The following LRCH3 variants were observed in gnomAD, a reference collection of about 807,000 sequenced individuals.
The protein encoded by LRCH3 is DISP complex protein LRCH3.
Under a neutral mutation model 104.5 loss-of-function variants are expected in LRCH3, and 68 were observed. The observed-to-expected ratio is 0.65, with a 90% CI of 0.54 to 0.80. LRCH3 has a LOEUF of 0.80. Among genes scored for constraint, LRCH3 ranks in the 30% least tolerant of loss-of-function variants. The probability of loss-of-function intolerance (pLI) is 0.00; values close to 1 mark genes in which losing one functional copy is unlikely to be tolerated. For missense variants in LRCH3, 951 were observed against 953.9 expected (o/e 1.00, Z 0.04); for synonymous variants, 344 against 361.3 (o/e 0.95, Z 0.54).
In LRCH3 at chr3:197,810,970, T is replaced by C. The variant is rs954852760; in HGVS notation, c.263-3938T>C. 2.0e-5 allele frequency among the ~76,000 whole-genome samples: 3 copies of C among 152,210 alleles called. No homozygotes were observed. Among genetic ancestry groups the C allele is most frequent in the Non-Finnish European group, 2.9e-5 (2 of 68,044 alleles). On this transcript the variant is annotated intron_variant, in intron 1 of 20. Transcript: ENST00000425562. This position sits in a 1 kb window ranked among gnomAD's most constrained non-coding sequence, Gnocchi z 4.0. ...TTAATATTAATAGCTAAAATGATTT[T>C]TATTGCATTATCTCAGTAAAATTTT...
intron 1 of LRCH3, among the ~76,000 whole-genome samples, chr3:197,798,187 G>GGAGATT (rs1731476534): frequency 6.6e-6 from 1 of 152,072 alleles, no homozygotes; most frequent in Non-Finnish European, 1.5e-5. Flanking sequence ...CTTGAGTCTG[G>GGAGATT]GAGATTGAGG....
At chr3:197,876,837 C>T (rs1233587026) in intron 20 of LRCH3, among the ~76,000 whole-genome samples, 4 of 138,150 alleles carry the variant, frequency 2.9e-5, no homozygotes, top group Non-Finnish European at 6.3e-5. Context: ...CTCACCGCAC[C>T]CATGGCAGTG....
intron 20 of LRCH3, among the ~76,000 whole-genome samples, chr3:197,879,562 C>T (rs189761137): frequency 0.042 from 6,239 of 148,102 alleles, 611 homozygotes; most frequent in African/African-American, 0.15. Flanking sequence ...GGGAGAATGG[C>T]GGGAACCCGG....
At position 197,811,115 on chromosome 3, in the gene LRCH3, G is replaced by A. The variant is rs949710539; in HGVS notation, c.263-3793G>A. Among the ~76,000 whole-genome samples the A allele has an allele frequency of 3.9e-5, 6 of 152,210 alleles. No homozygotes were observed. The East Asian group carries it at 1.2e-3, about 29-fold the overall frequency. On this transcript the variant is annotated intron_variant, in intron 1 of 20. Transcript: ENST00000425562. ...GTAACCCACTCTCATGACTCATCACGGGGTCTTCAGTGACTGCGCTGCCGT... is the reference window on the plus strand; with the variant it reads ...GTAACCCACTCTCATGACTCATCACAGGGTCTTCAGTGACTGCGCTGCCGT...
chr3:197,825,548 C>G (rs541445444), intron 4 of LRCH3, among the ~76,000 whole-genome samples: 1 of 123,674 alleles, frequency 8.1e-6, no homozygotes, highest in Admixed American at 1.0e-4. Flanking sequence ...GGCTCAATCT[C>G]GGCTCACTGC....
At chr3:197,800,553 G>A (rs780799719) in intron 1 of LRCH3, among the ~76,000 whole-genome samples, 142 of 152,312 alleles carry the variant, frequency 9.3e-4, no homozygotes, top group Non-Finnish European at 1.5e-3. Flanking sequence ...ATACGATGCT[G>A]TGGGAGCTTG....
chr3:197,828,777 G>A (rs1466566933), intron 5 of LRCH3, among the ~76,000 whole-genome samples: 1 of 142,220 alleles, frequency 7.0e-6, no homozygotes, highest in Non-Finnish European at 1.5e-5. Flanking sequence ...GTGCGATCTC[G>A]GCTTACTGCA....
intron 14 of LRCH3, among the ~76,000 whole-genome samples, chr3:197,855,474 C>T (rs1329671331): frequency 6.6e-6 from 1 of 152,176 alleles, no homozygotes; most frequent in Admixed American, 6.5e-5. Flanking sequence ...GAAGGTTAAA[C>T]TTATCACCTT....
At chr3:197,844,802 G>A (rs1221462216) in intron 10 of LRCH3, among the ~76,000 whole-genome samples, 1 of 151,608 alleles carries the variant, frequency 6.6e-6, no homozygotes. Flanking sequence ...TATTTTTTTA[G>A]TAGAGACGGA....
chr3:197,862,298 G>A (rs1560590578), intron 15 of LRCH3, among the ~76,000 whole-genome samples: 1 of 152,124 alleles, frequency 6.6e-6, no homozygotes, highest in East Asian at 1.9e-4. Context: ...CGCCCGGCCT[G>A]TTGCTGTTTC....
intron 4 of LRCH3, among the ~76,000 whole-genome samples, chr3:197,825,058 G>A (rs966573310): frequency 1.3e-5 from 2 of 152,166 alleles, no homozygotes; most frequent in African/African-American, 4.8e-5. Flanking sequence ...TTGATTGTTT[G>A]ATTATAAATC....
At chr3:197,875,628 T>A in intron 19 of LRCH3, 70 bp from the exon 20 acceptor site, 1 of 1,195,046 alleles carries the variant, frequency 8.4e-7, no homozygotes, top group East Asian at 2.6e-5. Context: ...CACTCCAGCC[T>A]GGGTGGCAGT....
At chr3:197,875,161 C>T (rs968891533) in intron 19 of LRCH3, among the ~76,000 whole-genome samples, 3 of 152,068 alleles carry the variant, frequency 2.0e-5, no homozygotes, top group Non-Finnish European at 4.4e-5. Context: ...GAACTCCCGA[C>T]CTGAGGTGAT....
chr3:197,858,245 T>C (rs1740501086), intron 14 of LRCH3, among the ~76,000 whole-genome samples: 1 of 152,202 alleles, frequency 6.6e-6, no homozygotes, highest in African/African-American at 2.4e-5. Context: ...AGATACAATC[T>C]ATCTCTAATA....
At chr3:197,834,962 G>T (rs1208522051) in intron 8 of LRCH3, among the ~76,000 whole-genome samples, 1 of 152,034 alleles carries the variant, frequency 6.6e-6, no homozygotes, top group Non-Finnish European at 1.5e-5. Flanking sequence ...TGGCCAACAT[G>T]GTGAAACCCC....
rs749264071 is a variant in LRCH3, at chr3:197,875,880, C to G, written c.2208+105C>G. 5.9e-6 allele frequency: 4 copies of G among 683,088 alleles called. No homozygotes were observed. In the Admixed American group the frequency reaches 8.0e-5, roughly 14 times the overall value. 42.3% of individuals were successfully genotyped at this position (683,088 alleles called of 1,614,324 possible). A position where few individuals can be genotyped will look rare whatever the true frequency, so the allele number is the denominator to read the frequency against. On this transcript the variant is annotated intron_variant, in intron 20 of 20. Transcript: ENST00000425562. Reference sequence around the variant, plus strand: ...TTACAGGACTAGCTCTGAGCTAAGTCGATCATAATTAACATGACTTTGTGT... The same window carrying G: ...TTACAGGACTAGCTCTGAGCTAAGTGGATCATAATTAACATGACTTTGTGT...
At chr3:197,796,669 T>C (rs542747532) in intron 1 of LRCH3, among the ~76,000 whole-genome samples, 1 of 152,328 alleles carries the variant, frequency 6.6e-6, no homozygotes, top group African/African-American at 2.4e-5. Flanking sequence ...TTGTAAATAC[T>C]ATTTTTGACC....
At chr3:197,881,097 CGTG>C (rs1237662799) in intron 20 of LRCH3, 1 of 1,062,036 alleles carries the variant, frequency 9.4e-7, no homozygotes, top group African/African-American at 1.7e-5. Context: ...GCCATTTTTC[CGTG>C]CCTCAGCACA....
rs79702269 is a variant in LRCH3, at chr3:197,886,199, A to C, written c.*2533A>C. On this transcript the variant is annotated 3_prime_UTR_variant, in exon 21 of 21. Transcript: ENST00000425562. ...CAAAAATTAAAAAAAAAAAAAAAAA[A>C]CCAGGTGTGGTGGCACCTGCCTGTA... The C allele has an allele frequency of 1.4e-5, 2 of 145,160 alleles. No homozygotes were observed. The highest frequency in any genetic ancestry group is 6.7e-5 in the Admixed American group (1 of 14,836). The allele number at this position is 145,160 out of a possible 1,614,324, so 9.0% of individuals were successfully genotyped here.
Sources: allele counts gnomAD v4.1 joint callset (sites outside exome capture counted in the v4.1 genomes callset), GRCh38; gene constraint gnomAD v4.1.1; non-coding constraint Gnocchi (gnomAD v3.1); transcripts MANE v1.5; gene names NCBI Gene and HGNC (gene_info 2026-07-23, HGNC 2026-07-21).